WDR26: variants seen among roughly 807,000 people sequenced by gnomAD.
WDR26 encodes the protein WD repeat domain 26, also known as WD repeat-containing protein 26.
Under a neutral mutation model 84.1 loss-of-function variants are expected in WDR26, and 5 were observed. The ratio of observed to expected loss-of-function variants is 0.06; its 90% confidence interval spans 0.03 to 0.13. The LOEUF (loss-of-function observed/expected upper bound fraction) is 0.13. Among genes scored for constraint, WDR26 ranks in the 10% least tolerant of loss-of-function variants. The pLI is 1.00. For missense variants in WDR26, 642 were observed against 974.9 expected (o/e 0.66, Z 4.55); for synonymous variants, 415 against 389.6 (o/e 1.07, Z -0.77).
chr1:224,416,127 GGTTTT>G (rs1193243870), intron 6 of WDR26, among the ~76,000 whole-genome samples: 7 of 152,116 alleles, frequency 4.6e-5, no homozygotes, highest in Non-Finnish European at 7.4e-5. Flanking sequence ...ATAGAGTGAA[GGTTTT>G]GTTTTAAGAT....
rs747546640 is a variant in WDR26 at position 224,433,995 on chromosome 1, G to T, written c.411C>A (p.Ala137=). 6 of 1,521,172 alleles carry T rather than the reference G, an allele frequency of 3.9e-6. No individual in the cohort carries two copies. The South Asian group carries it at 6.0e-5, about 15-fold the overall frequency. The allele number at this position is 1,521,172 out of a possible 1,614,324, so 94.2% of individuals were successfully genotyped here. The change falls in exon 1 of 14, where the codon GCC becomes GCA. Residue 137 remains alanine (A), a synonymous_variant. Transcript: ENST00000414423. ...ACGAGGGGGACGACTCCCCGTTCTG[G>T]GCCGACAAGCAGGCGAGTTCCGGGG...
chr1:224,413,014 C>T (rs1572188719), intron 6 of WDR26: 1 of 158,066 alleles, frequency 6.3e-6, no homozygotes, highest in African/African-American at 2.4e-5. Flanking sequence ...CATGGTGAAA[C>T]CTCATCTCTA....
intron 13 of WDR26, 44 bp downstream of exon 13, chr1:224,393,784 G>A (rs1008793364): frequency 7.0e-7 from 1 of 1,421,090 alleles, no homozygotes; most frequent in Non-Finnish European, 9.4e-7. Context: ...GCCGAGTGAT[G>A]TTTCATTTGG....
chr1:224,432,103 C>T (rs1326199555), intron 1 of WDR26, among the ~76,000 whole-genome samples: 2 of 152,058 alleles, frequency 1.3e-5, no homozygotes, highest in African/African-American at 2.4e-5. Context: ...AATGAAAAAC[C>T]AGAATCAACA....
intron 13 of WDR26, 46 bp from the exon 14 acceptor site, chr1:224,389,906 G>GTGGC: frequency 2.1e-6 from 1 of 470,792 alleles, no homozygotes; most frequent in Non-Finnish European, 4.0e-6. Flanking sequence ...GCGGGGGAGG[G>GTGGC]AAGAGGGGAA....
chr1:224,433,981 G>C lies in WDR26; in HGVS notation c.425C>G (p.Ser142Trp). The C allele has an allele frequency of 6.5e-7, 1 of 1,528,696 alleles. No individual in the cohort carries two copies. Among genetic ancestry groups the C allele is most frequent in the Non-Finnish European group, 8.8e-7 (1 of 1,141,336 alleles). 94.7% of individuals were successfully genotyped at this position (1,528,696 alleles called of 1,614,324 possible). ...CGCGGACGACGACGACGAGGGGGAC[G>C]ACTCCCCGTTCTGGGCCGACAAGCA... The change falls in exon 1 of 14, where the codon TCG becomes TGG. Residue 142 changes from serine (S) to tryptophan (W), a missense_variant. Physicochemically the swap from Ser to Trp is radical, Grantham distance 177. Transcript: ENST00000414423.
chr1:224,420,947 C>T (rs1300498234), intron 4 of WDR26, among the ~76,000 whole-genome samples: 1 of 151,998 alleles, frequency 6.6e-6, no homozygotes, highest in Non-Finnish European at 1.5e-5. Flanking sequence ...TTTTTTTGGG[C>T]AAAGTTTATT....
chr1:224,411,133 C>CA (rs1439186782), intron 7 of WDR26, among the ~76,000 whole-genome samples: 1 of 152,208 alleles, frequency 6.6e-6, no homozygotes, highest in East Asian at 1.9e-4. Context: ...ACTTCTACCT[C>CA]AGTTTCCTCA....
intron 7 of WDR26, among the ~76,000 whole-genome samples, chr1:224,406,897 G>A (rs940932761): frequency 4.0e-5 from 6 of 151,562 alleles, no homozygotes; most frequent in East Asian, 3.9e-4. Context: ...TGAAGCAGGC[G>A]AACAGCTTGA....
At chr1:224,403,851 C>T (rs534857168) in intron 8 of WDR26, among the ~76,000 whole-genome samples, 79 of 152,192 alleles carry the variant, frequency 5.2e-4, no homozygotes, top group Non-Finnish European at 8.8e-4. Flanking sequence ...GCAGGAGAAT[C>T]GCTTGAACCC....
At chr1:224,413,244 T>C (rs1382125329) in intron 6 of WDR26, 7 of 1,065,456 alleles carry the variant, frequency 6.6e-6, no homozygotes, top group Non-Finnish European at 8.3e-6. Flanking sequence ...TAAACAATAA[T>C]GGATACACCT....
At chr1:224,407,030 G>A (rs1462772297) in intron 7 of WDR26, among the ~76,000 whole-genome samples, 1 of 145,824 alleles carries the variant, frequency 6.9e-6, no homozygotes, top group Non-Finnish European at 1.5e-5. Context: ...GCTGAGGCAG[G>A]AGAATTGCTT....
At chr1:224,402,624 CTACAT>C (rs1271632211) in intron 8 of WDR26, among the ~76,000 whole-genome samples, 2 of 152,166 alleles carry the variant, frequency 1.3e-5, no homozygotes, top group Non-Finnish European at 2.9e-5. Flanking sequence ...CAAAGGCACT[CTACAT>C]TAAATTTCTG....
intron 8 of WDR26, among the ~76,000 whole-genome samples, chr1:224,402,916 T>C (rs1029661740): frequency 3.9e-5 from 6 of 152,212 alleles, no homozygotes; most frequent in Non-Finnish European, 5.9e-5. Flanking sequence ...AGAATTATAG[T>C]TAATGTTCTT....
intron 8 of WDR26, 60 bp from the exon 9 acceptor site, chr1:224,401,129 G>T (rs1673401376): frequency 2.0e-6 from 3 of 1,482,258 alleles, no homozygotes; most frequent in Non-Finnish European, 2.7e-6. Context: ...GGAATTATGT[G>T]AGAAAAAAAA....
intron 7 of WDR26, among the ~76,000 whole-genome samples, chr1:224,407,173 A>ATATAT (rs1558426297): frequency 3.7e-5 from 3 of 81,488 alleles, no homozygotes; most frequent in African/African-American, 1.5e-4. Context: ...TATATATATA[A>ATATAT]CTCAAAAACT....
rs779208874 is a variant in WDR26 at position 224,434,031 on chromosome 1, G to A, written c.375C>T (p.Gly125=). 5.0e-4 allele frequency: 732 copies of A among 1,466,136 alleles called. No individual in the cohort carries two copies. Among genetic ancestry groups the A allele is most frequent in the Non-Finnish European group, 6.2e-4 (692 of 1,113,332 alleles). The allele number at this position is 1,466,136 out of a possible 1,614,324, so 90.8% of individuals were successfully genotyped here. Residue 125 remains glycine (G), a synonymous_variant, in exon 1 of 14, where the codon GGC becomes GGT. Coordinates refer to ENST00000414423, the MANE Select transcript of WDR26 (RefSeq NM_001379403.1). ...AGGCGAGTTCCGGGGTCTGTCCCTG[G>A]CCCCCGCCGCCCCCTCCTCCTCCAC...
At chr1:224,412,142 T>C (rs1193500890) in intron 6 of WDR26, among the ~76,000 whole-genome samples, 1 of 152,202 alleles carries the variant, frequency 6.6e-6, no homozygotes, top group Non-Finnish European at 1.5e-5. Context: ...AGGAGATTAG[T>C]ATCTACCTAA....
At chr1:224,433,386 G>A (rs960632246) in intron 1 of WDR26, among the ~76,000 whole-genome samples, 6 of 152,010 alleles carry the variant, frequency 3.9e-5, no homozygotes, top group Non-Finnish European at 7.4e-5. Flanking sequence ...AGCTCTGAAG[G>A]TGCGTGGGGA....
Sources: gnomAD v4.1 joint callset for allele counts (sites outside exome capture counted in the v4.1 genomes callset) on GRCh38, gnomAD v4.1.1 for gene constraint, MANE v1.5 for transcripts, NCBI Gene and HGNC (gene_info 2026-07-23, HGNC 2026-07-21) for gene names.